Variants in ZEB1 observed in about 807,000 individuals in gnomAD.
ZEB1 encodes zinc finger E-box binding homeobox 1, also known as zinc finger E-box-binding homeobox 1.
In ZEB1, 21 loss-of-function variants were observed where a neutral mutation model predicts 84.9. The observed-to-expected ratio is 0.25, with a 90% CI of 0.18 to 0.36. The LOEUF (loss-of-function observed/expected upper bound fraction) is 0.36. Ranked by LOEUF, ZEB1 falls within the 10% of genes least tolerant of loss-of-function variation. ZEB1 has a pLI of 1.00. For synonymous variants in ZEB1, 420 were observed against 471.1 expected, an observed-to-expected ratio of 0.89 and a Z score of 1.41; for missense variants, 1,104 against 1,330.2, an observed-to-expected ratio of 0.83 and a Z score of 2.65.
chr10:31,454,782 C>T (rs529910042), intron 1 of ZEB1, among the ~76,000 whole-genome samples: 3 of 152,310 alleles, frequency 2.0e-5, no homozygotes, highest in East Asian at 1.9e-4. Flanking sequence ...AATGGAAAAA[C>T]ATTCCATGCT....
intron 1 of ZEB1, among the ~76,000 whole-genome samples, chr10:31,359,349 G>A (rs2042611187): frequency 6.6e-6 from 1 of 151,986 alleles, no homozygotes; most frequent in Non-Finnish European, 1.5e-5. Context: ...ACTCTTATGT[G>A]TTATGATATA....
intron 1 of ZEB1, among the ~76,000 whole-genome samples, chr10:31,449,338 G>GAT (rs2060242905): frequency 6.6e-6 from 1 of 152,228 alleles, no homozygotes; most frequent in South Asian, 2.1e-4. Flanking sequence ...GATGAACCTG[G>GAT]TACCTCAGAT....
At chr10:31,510,931 C>T (rs1400606303) in intron 5 of ZEB1, 56 bp downstream of exon 5, 1 of 1,488,096 alleles carries the variant, frequency 6.7e-7, no homozygotes, top group African/African-American at 1.4e-5. Context: ...ACTCAGCCCT[C>T]AATGGAAGGC....
chr10:31,411,035 A>G (rs1483340651), intron 1 of ZEB1, among the ~76,000 whole-genome samples: 2 of 152,120 alleles, frequency 1.3e-5, no homozygotes, highest in Non-Finnish European at 2.9e-5. Flanking sequence ...GTCGTCTGCT[A>G]GCTTTTGAAT....
At chr10:31,525,007 A>T (rs930875561) in intron 8 of ZEB1, among the ~76,000 whole-genome samples, 1 of 152,124 alleles carries the variant, frequency 6.6e-6, no homozygotes, top group Non-Finnish European at 1.5e-5. Context: ...GAGCATACGC[A>T]TGTTTTTCTA....
Position 31,503,070 on chromosome 10 carries a change from C to T in ZEB1, c.484+561C>T, listed in dbSNP as rs75346964. ...GTTTCACCAGAAGAAACTAGGTTAT[C>T]AAAGAAATGAAAGGGAAATACAAAA... On this transcript the variant is annotated intron_variant, in intron 4 of 8. Transcript: ENST00000424869. Among the ~76,000 whole-genome samples, 29 of 151,870 alleles carry T rather than the reference C, an allele frequency of 1.9e-4. No homozygotes were observed. The East Asian group carries it at 5.4e-3, about 28-fold the overall frequency.
intron 1 of ZEB1, among the ~76,000 whole-genome samples, chr10:31,449,056 A>G (rs2060186867): frequency 6.6e-6 from 1 of 152,206 alleles, no homozygotes; most frequent in African/African-American, 2.4e-5. Flanking sequence ...TGTGCTAGCA[A>G]CCAGCGAGAC....
chr10:31,404,378 C>T (rs1427331453), intron 1 of ZEB1, among the ~76,000 whole-genome samples: 1 of 152,050 alleles, frequency 6.6e-6, no homozygotes, highest in African/African-American at 2.4e-5. Flanking sequence ...CTTGCCTATG[C>T]AAGTATTCAT....
intron 2 of ZEB1, among the ~76,000 whole-genome samples, chr10:31,495,514 A>C (rs2067097007): frequency 6.6e-6 from 1 of 152,052 alleles, no homozygotes; most frequent in Non-Finnish European, 1.5e-5. Context: ...AAAAAATCCA[A>C]ATTAAATATA....
intron 1 of ZEB1, among the ~76,000 whole-genome samples, chr10:31,457,788 C>T (rs2061409704): frequency 6.6e-6 from 1 of 152,030 alleles, no homozygotes. Flanking sequence ...ATGAACCATG[C>T]AAGCAAGCAT....
At chr10:31,430,626 A>G (rs1224999444) in intron 1 of ZEB1, among the ~76,000 whole-genome samples, 1 of 152,224 alleles carries the variant, frequency 6.6e-6, no homozygotes, top group African/African-American at 2.4e-5. Context: ...AATAATTTCT[A>G]CCACTGCTAA....
At chr10:31,481,366 C>A (rs1408306399) in intron 2 of ZEB1, among the ~76,000 whole-genome samples, 1 of 151,928 alleles carries the variant, frequency 6.6e-6, no homozygotes, top group Non-Finnish European at 1.5e-5. Context: ...TAGTAGTGAA[C>A]ATAGATAATA....
intron 1 of ZEB1, among the ~76,000 whole-genome samples, chr10:31,425,444 G>A (rs1441565537): frequency 1.3e-5 from 2 of 152,104 alleles, no homozygotes; most frequent in African/African-American, 2.4e-5. Flanking sequence ...TAAAAAGAAC[G>A]TGGTTGGGAA....
At chr10:31,516,681 T>C (rs1207503433) in intron 6 of ZEB1, among the ~76,000 whole-genome samples, 1 of 151,404 alleles carries the variant, frequency 6.6e-6, no homozygotes, top group Non-Finnish European at 1.5e-5. Context: ...ACAGAAGTTA[T>C]ATAATCCTCA....
intron 1 of ZEB1, among the ~76,000 whole-genome samples, chr10:31,441,723 C>T (rs936386809): frequency 2.0e-5 from 3 of 151,998 alleles, no homozygotes; most frequent in Admixed American, 1.3e-4. Context: ...AAAAAACAAC[C>T]CCATCAAAAA....
At chr10:31,368,387 G>A (rs1275731629) in intron 1 of ZEB1, among the ~76,000 whole-genome samples, 1 of 152,046 alleles carries the variant, frequency 6.6e-6, no homozygotes, top group African/African-American at 2.4e-5. Context: ...AAACTCCTGG[G>A]CTCAAGCGAT....
intron 1 of ZEB1, among the ~76,000 whole-genome samples, chr10:31,412,205 A>G (rs74456824): frequency 0.014 from 2,162 of 152,282 alleles, 51 homozygotes; most frequent in African/African-American, 0.049. Context: ...AGGGAATACT[A>G]ATTTTTAAAT....
chr10:31,455,183 A>G (rs1288371121), intron 1 of ZEB1, among the ~76,000 whole-genome samples: 1 of 152,198 alleles, frequency 6.6e-6, no homozygotes, highest in African/African-American at 2.4e-5. Flanking sequence ...TGTTTAATAA[A>G]TGGTGTTGGG....
At chr10:31,513,345 GAAATACTAA>G (rs1447920787) in intron 5 of ZEB1, among the ~76,000 whole-genome samples, 1 of 152,140 alleles carries the variant, frequency 6.6e-6, no homozygotes, top group East Asian at 1.9e-4. Flanking sequence ...ACAGAGATAG[GAAATACTAA>G]AGACGGAGCT....
Sources: allele counts gnomAD v4.1 joint callset (sites outside exome capture counted in the v4.1 genomes callset), GRCh38; gene constraint gnomAD v4.1.1; transcripts MANE v1.5; gene names NCBI Gene and HGNC (gene_info 2026-07-23, HGNC 2026-07-21).